Variants in CDH4 observed in about 807,000 individuals in gnomAD.
The protein encoded by CDH4 is cadherin 4.
CDH4 carries 33 observed loss-of-function variants against 86.0 expected under a neutral mutation model. The observed-to-expected ratio is 0.38, with a 90% CI of 0.29 to 0.51. The LOEUF (loss-of-function observed/expected upper bound fraction) is 0.51, where lower values mean the gene tolerates loss of function less well. Among genes scored for constraint, CDH4 ranks in the 20% least tolerant of loss-of-function variants. The pLI, the probability that CDH4 is intolerant of heterozygous loss-of-function variation, is 0.86. For synonymous variants in CDH4, 555 were observed against 549.4 expected (o/e 1.01, Z -0.14); for missense variants, 1,114 against 1,307.4 (o/e 0.85, Z 2.28).
At chr20:61,337,134 C>T (rs1019804618) in intron 2 of CDH4, among the ~76,000 whole-genome samples, 2 of 151,900 alleles carry the variant, frequency 1.3e-5, no homozygotes, top group African/African-American at 2.4e-5. Context: ...ACTGATCCTT[C>T]GCCATAAAGT....
At chr20:61,398,602 C>T (rs1481629294) in intron 2 of CDH4, among the ~76,000 whole-genome samples, 1 of 152,180 alleles carries the variant, frequency 6.6e-6, no homozygotes, top group Non-Finnish European at 1.5e-5. Context: ...CCGAGTCTTT[C>T]TTAAAGCCTC....
chr20:61,506,119 G>A (rs2085739653), intron 2 of CDH4, among the ~76,000 whole-genome samples: 2 of 152,332 alleles, frequency 1.3e-5, no homozygotes, highest in Admixed American at 6.5e-5. Context: ...TTTACATAGA[G>A]GGGAGTAAAC....
At chr20:61,546,346 T>C (rs542643254) in intron 2 of CDH4, among the ~76,000 whole-genome samples, 1 of 150,692 alleles carries the variant, frequency 6.6e-6, no homozygotes, top group Non-Finnish European at 1.5e-5. Context: ...TGTATATGCG[T>C]GTGTGTGGTA....
intron 2 of CDH4, among the ~76,000 whole-genome samples, chr20:61,298,104 A>G (rs2427048): frequency 0.92 from 140,110 of 151,958 alleles, 65,247 homozygotes; most frequent in Non-Finnish European, 0.99. Flanking sequence ...TCATTGGGGC[A>G]GCCTGTTACT....
At chr20:61,528,463 G>GGAGGGGAAGAGAGGGGAGGGGGGA (rs2085928354) in intron 2 of CDH4, among the ~76,000 whole-genome samples, 4 of 96,964 alleles carry the variant, frequency 4.1e-5, no homozygotes, top group South Asian at 4.8e-4. Context: ...GAGGGGGAGA[G>GGAGGGGAAGAGAGGGGAGGGGGGA]GGAGGGGGAG....
chr20:61,322,580 G>T (rs540630771), intron 2 of CDH4, among the ~76,000 whole-genome samples: 54 of 152,244 alleles, frequency 3.5e-4, no homozygotes, highest in Non-Finnish European at 5.4e-4. Context: ...TGCAGCATTC[G>T]GGATCCTGGG....
chr20:61,456,533 A>G (rs970669669), intron 2 of CDH4, among the ~76,000 whole-genome samples: 2 of 152,246 alleles, frequency 1.3e-5, no homozygotes, highest in African/African-American at 4.8e-5. Context: ...ATGCCAGGGC[A>G]GCTCCCACAT....
chr20:61,431,746 G>A (rs2085247848), intron 2 of CDH4, among the ~76,000 whole-genome samples: 1 of 152,054 alleles, frequency 6.6e-6, no homozygotes. Flanking sequence ...CATAATCAAG[G>A]TAGGGCATTT....
intron 12 of CDH4, among the ~76,000 whole-genome samples, chr20:61,929,353 G>T (rs566374204): frequency 5.9e-5 from 9 of 152,156 alleles, no homozygotes; most frequent in Non-Finnish European, 1.2e-4. Context: ...GGCCAGGCTG[G>T]TCGTGAACTC....
chr20:61,389,904 C>T (rs1292541378), intron 2 of CDH4, among the ~76,000 whole-genome samples: 3 of 149,426 alleles, frequency 2.0e-5, no homozygotes, highest in South Asian at 2.1e-4. Flanking sequence ...ATAGGGTGCC[C>T]ATAGCACCAT....
At chr20:61,714,070 G>A (rs925481170) in intron 2 of CDH4, among the ~76,000 whole-genome samples, 38 of 121,758 alleles carry the variant, frequency 3.1e-4, no homozygotes, top group Non-Finnish European at 4.4e-4. Context: ...TATTTGAGAT[G>A]GAGTCTCACT....
At chr20:61,767,344 G>A (rs909600717) in intron 3 of CDH4, among the ~76,000 whole-genome samples, 3 of 152,172 alleles carry the variant, frequency 2.0e-5, no homozygotes, top group Admixed American at 6.5e-5. Flanking sequence ...TGCCCCCACC[G>A]GGGCTGTGGT....
intron 2 of CDH4, among the ~76,000 whole-genome samples, chr20:61,610,039 A>G (rs2086673149): frequency 1.3e-5 from 2 of 152,340 alleles, no homozygotes; most frequent in South Asian, 4.1e-4. Context: ...ACAAAAAATG[A>G]TGGTTAACTA....
Position 61,438,045 on chromosome 20 carries a change from C to T in CDH4, c.169+183108C>T, listed in dbSNP as rs140616970. On this transcript the variant is annotated intron_variant, in intron 2 of 15. Coordinates refer to ENST00000614565, the MANE Select transcript of CDH4 (RefSeq NM_001794.5). ...TAATGACCCGTCCAGACTCCAACAA[C>T]GTTTTATTTTCACAAACAGTGCATG... 1.9e-3 allele frequency among the ~76,000 whole-genome samples: 284 copies of T among 152,300 alleles called. 1 individual carries two copies. Among genetic ancestry groups the T allele is most frequent in the African/African-American group, 6.5e-3 (269 of 41,564 alleles).
At chr20:61,585,963 T>G (rs2086467864) in intron 2 of CDH4, among the ~76,000 whole-genome samples, 1 of 131,160 alleles carries the variant, frequency 7.6e-6, no homozygotes. Context: ...AGGATGATGG[T>G]GATGGTGATG....
intron 7 of CDH4, 126 bp from the exon 8 acceptor site, chr20:61,894,784 C>T (rs1348313209): frequency 1.9e-6 from 2 of 1,029,030 alleles, no homozygotes; most frequent in South Asian, 1.6e-5. Flanking sequence ...CAGCACACAG[C>T]CCCCAGTGAA....
At chr20:61,545,361 G>A (rs2086070179) in intron 2 of CDH4, among the ~76,000 whole-genome samples, 1 of 152,238 alleles carries the variant, frequency 6.6e-6, no homozygotes, top group Non-Finnish European at 1.5e-5. Flanking sequence ...CCGGCCGTGG[G>A]CTGGAACTTT....
At chr20:61,310,515 C>T (rs563310214) in intron 2 of CDH4, among the ~76,000 whole-genome samples, 33 of 152,304 alleles carry the variant, frequency 2.2e-4, no homozygotes, top group Middle Eastern at 3.4e-3. Context: ...AGGGTTTGCA[C>T]TCCTGTGAGG....
chr20:61,671,790 G>A (rs936545179), intron 2 of CDH4, among the ~76,000 whole-genome samples: 6 of 151,178 alleles, frequency 4.0e-5, no homozygotes, highest in Non-Finnish European at 5.9e-5. Flanking sequence ...TCAATGGATC[G>A]ATGGATAGAT....
Sources: allele counts gnomAD v4.1 joint callset (sites outside exome capture counted in the v4.1 genomes callset), GRCh38; gene constraint gnomAD v4.1.1; transcripts MANE v1.5; gene names NCBI Gene and HGNC (gene_info 2026-07-23, HGNC 2026-07-21).